Variants in PCDH15 observed in about 807,000 individuals in gnomAD.
The protein encoded by PCDH15 is protocadherin related 15.
In PCDH15, 129 loss-of-function variants were observed where a neutral mutation model predicts 178.5. The observed-to-expected ratio is 0.72, with a 90% CI of 0.63 to 0.84. PCDH15 has a LOEUF of 0.84. PCDH15 is among the 40% of genes least tolerant of loss of function. The probability of loss-of-function intolerance (pLI) is 0.00; values close to 1 mark genes in which losing one functional copy is unlikely to be tolerated. For missense variants in PCDH15, 2,230 were observed against 2,099.9 expected, an observed-to-expected ratio of 1.06 and a Z score of -1.21; for synonymous variants, 800 against 732.0, an observed-to-expected ratio of 1.09 and a Z score of -1.50.
intron 1 of PCDH15, among the ~76,000 whole-genome samples, chr10:55,180,622 T>C (rs1224918928): frequency 6.6e-6 from 1 of 152,136 alleles, no homozygotes; most frequent in Non-Finnish European, 1.5e-5. Flanking sequence ...GGTCATAAAT[T>C]AGATGAGAAT....
At chr10:54,730,387 G>A (rs1444893422) in intron 1 of PCDH15, among the ~76,000 whole-genome samples, 1 of 151,490 alleles carries the variant, frequency 6.6e-6, no homozygotes, top group African/African-American at 2.4e-5. Flanking sequence ...AATAGACACA[G>A]GGCCTACCTG....
At chr10:54,516,599 G>A (rs529544376) in intron 3 of PCDH15, among the ~76,000 whole-genome samples, 1 of 152,328 alleles carries the variant, frequency 6.6e-6, no homozygotes, top group Non-Finnish European at 1.5e-5. Flanking sequence ...GTACCTGAAA[G>A]TGACGGGGAG....
chr10:55,103,389 T>C (rs1019989131), intron 2 of PCDH15, among the ~76,000 whole-genome samples: 1 of 152,148 alleles, frequency 6.6e-6, no homozygotes, highest in Non-Finnish European at 1.5e-5. Flanking sequence ...TCTGTTGGGG[T>C]ATCTGTTAGC....
chr10:55,212,074 C>T (rs1408017785), intron 1 of PCDH15, among the ~76,000 whole-genome samples: 1 of 152,074 alleles, frequency 6.6e-6, no homozygotes, highest in Non-Finnish European at 1.5e-5. Context: ...GCATATCCAA[C>T]ATGGAGGCTC....
intron 1 of PCDH15, among the ~76,000 whole-genome samples, chr10:54,731,563 TACACACACACACACAC>T (rs1159070523): frequency 2.4e-3 from 118 of 49,770 alleles, no homozygotes; most frequent in Non-Finnish European, 4.3e-3. Context: ...TATATATATA[TACACACACACACACAC>T]ACACACACAC....
chr10:55,389,814 A>G (rs563025328), intron 2 of PCDH15, among the ~76,000 whole-genome samples: 28 of 152,258 alleles, frequency 1.8e-4, no homozygotes, highest in Admixed American at 1.1e-3. Context: ...AATATTAAAT[A>G]CCAAAAAATG....
At chr10:54,062,250 AAACAAAAAAC>A (rs777708481) in intron 18 of PCDH15, among the ~76,000 whole-genome samples, 12,488 of 97,296 alleles carry the variant, frequency 0.13, 670 homozygotes, top group Middle Eastern at 0.18. Context: ...AAAAAAAAAA[AAACAAAAAAC>A]AACTAAATGA....
chr10:54,738,310 A>G (rs1432987201), intron 1 of PCDH15, among the ~76,000 whole-genome samples: 1 of 152,112 alleles, frequency 6.6e-6, no homozygotes, highest in African/African-American at 2.4e-5. Flanking sequence ...CAAGTGTGTA[A>G]ACAGAGATAT....
chr10:54,628,903 T>C (rs2093629193), intron 2 of PCDH15, among the ~76,000 whole-genome samples: 1 of 152,126 alleles, frequency 6.6e-6, no homozygotes, highest in African/African-American at 2.4e-5. Context: ...TGGCCTATAT[T>C]TGGTACACCA....
chr10:54,465,078 T>C (rs1043057570), intron 3 of PCDH15, among the ~76,000 whole-genome samples: 3 of 152,164 alleles, frequency 2.0e-5, no homozygotes, highest in African/African-American at 7.2e-5. Context: ...AAATAAAGTT[T>C]CACTTTTAAT....
intron 6 of PCDH15, among the ~76,000 whole-genome samples, chr10:54,340,392 T>C (rs1942005440): frequency 6.6e-6 from 1 of 152,154 alleles, no homozygotes; most frequent in African/African-American, 2.4e-5. Context: ...AAGCAAATAC[T>C]TTTCTCCAGG....
At chr10:55,602,784 G>T (rs369109226) in intron 2 of PCDH15, among the ~76,000 whole-genome samples, 1 of 152,084 alleles carries the variant, frequency 6.6e-6, no homozygotes, top group Non-Finnish European at 1.5e-5. Flanking sequence ...CACAAAGATG[G>T]GGAAAAAACA....
rs1279568676 is a variant in PCDH15 at position 54,763,716 on chromosome 10, T to C, written c.-29+37209A>G. ...GGTATGCATGTATCAAAATATCACATTTACTTTTTATGGATACATAAGAGT... is the reference window on the plus strand; with the variant it reads ...GGTATGCATGTATCAAAATATCACACTTACTTTTTATGGATACATAAGAGT... On this transcript the variant is annotated intron_variant, in intron 1 of 37. Transcript: ENST00000644397. Among the ~76,000 whole-genome samples the C allele has an allele frequency of 2.0e-5, 3 of 149,390 alleles. No homozygotes were observed. The East Asian group carries it at 5.9e-4, about 29-fold the overall frequency.
intron 2 of PCDH15, among the ~76,000 whole-genome samples, chr10:54,659,868 T>C (rs2094464472): frequency 6.6e-6 from 1 of 151,344 alleles, no homozygotes; most frequent in African/African-American, 2.4e-5. Context: ...AAGGCAGACA[T>C]AAGAAAAAGT....
At position 54,066,740 on chromosome 10, in the gene PCDH15, A is replaced by C. The variant is rs542538165; in HGVS notation, c.2220+17T>G. On this transcript the variant is annotated intron_variant, in intron 18 of 37. Transcript: ENST00000644397. The stretch of plus-strand genomic sequence containing the variant: ...TTGAAAAACTACATATAAGATCTAT[A>C]TAAATATTCCACTTACTTTTACTTG... The C allele has an allele frequency of 6.2e-7, 1 of 1,610,876 alleles. No homozygotes were observed. The highest frequency in any genetic ancestry group is 8.5e-7 in the Non-Finnish European group (1 of 1,177,534).
intron 20 of PCDH15, among the ~76,000 whole-genome samples, chr10:54,001,068 C>G (rs549287024): frequency 6.6e-6 from 1 of 151,912 alleles, no homozygotes; most frequent in South Asian, 2.1e-4. Flanking sequence ...AAAAAAATTC[C>G]TAGAAGAGTA....
intron 8 of PCDH15, among the ~76,000 whole-genome samples, chr10:54,265,182 G>C (rs1329574403): frequency 1.3e-5 from 2 of 152,070 alleles, no homozygotes; most frequent in African/African-American, 2.4e-5. Flanking sequence ...AAACGAAAGA[G>C]AAATGGAGTC....
chr10:54,318,854 A>G (rs1238346979), intron 7 of PCDH15, among the ~76,000 whole-genome samples: 1 of 152,154 alleles, frequency 6.6e-6, no homozygotes, highest in Non-Finnish European at 1.5e-5. Context: ...TAACTTCATC[A>G]CCTGGCTGAG....
intron 1 of PCDH15, among the ~76,000 whole-genome samples, chr10:54,761,708 CAAAACAAAACAAAACAAAACAAAACAG>C (rs1947902169): frequency 8.8e-5 from 1 of 11,342 alleles, no homozygotes. Context: ...CAAAACAAAA[CAAAACAAAACAAAACAAAACAAAACAG>C]TTAAGGGGTA....
Sources: allele counts gnomAD v4.1 joint callset (sites outside exome capture counted in the v4.1 genomes callset), GRCh38; gene constraint gnomAD v4.1.1; transcripts MANE v1.5; gene names NCBI Gene and HGNC (gene_info 2026-07-23, HGNC 2026-07-21).